Variants in ZWILCH observed in about 807,000 individuals in gnomAD.
ZWILCH encodes zwilch kinetochore protein, also known as protein zwilch homolog.
In ZWILCH, 74 loss-of-function variants were observed where a neutral mutation model predicts 79.9. The observed-to-expected ratio is 0.93, with a 90% CI of 0.77 to 1.12. The LOEUF (loss-of-function observed/expected upper bound fraction) is 1.12, where lower values mean the gene tolerates loss of function less well. Ranked by LOEUF, ZWILCH falls within the 50% of genes most tolerant of loss-of-function variation. ZWILCH has a pLI of 0.00. For missense variants in ZWILCH, 694 were observed against 687.5 expected (o/e 1.01, Z -0.11); for synonymous variants, 241 against 228.2 (o/e 1.06, Z -0.51).
intron 17 of ZWILCH, among the ~76,000 whole-genome samples, chr15:66,544,639 G>A (rs374995751): frequency 1.1e-4 from 17 of 151,616 alleles, no homozygotes; most frequent in South Asian, 6.2e-4. Context: ...TACTGCCCCC[G>A]GCCAAAAGGA....
rs1160489271 is a variant in ZWILCH at position 66,527,844 on chromosome 15, T to A, written c.914-13T>A. On this transcript the variant is annotated splice_polypyrimidine_tract_variant and intron_variant, in intron 9 of 18. Coordinates refer to ENST00000307897, the MANE Select transcript of ZWILCH (RefSeq NM_017975.5). The stretch of plus-strand genomic sequence containing the variant: ...GAAAAATCAAGAGCTAATAAACTTT[T>A]GCCACTTTCTAGACTTAAATAAGCT... 6.3e-7 allele frequency: 1 copy of A among 1,594,718 alleles called. No individual in the cohort carries two copies. Among genetic ancestry groups the A allele is most frequent in the East Asian group, 2.3e-5 (1 of 43,774 alleles).
chr15:66,539,273 T>G (rs563289061), intron 16 of ZWILCH, among the ~76,000 whole-genome samples: 12 of 151,878 alleles, frequency 7.9e-5, no homozygotes, highest in Non-Finnish European at 1.8e-4. Flanking sequence ...CATGGTGGCA[T>G]GCACCTGTAG....
intron 18 of ZWILCH, chr15:66,547,701 G>A (rs576335311): frequency 3.9e-5 from 6 of 152,256 alleles, no homozygotes; most frequent in African/African-American, 9.6e-5. Flanking sequence ...AAGAGTGTAC[G>A]TGCTCATTTA....
rs532230755 is a variant in ZWILCH at position 66,519,774 on chromosome 15, G to A, written c.520+696G>A. ...GCTGGGATTACAGGCATGAGCCACC[G>A]TGCCCAACTTCCACTTTATTTTTTA... On this transcript the variant is annotated intron_variant, in intron 5 of 18. Transcript: ENST00000307897. Among the ~76,000 whole-genome samples, 4 of 152,084 alleles carry A rather than the reference G, an allele frequency of 2.6e-5. No individual in the cohort carries two copies. The East Asian group carries it at 5.8e-4, about 22-fold the overall frequency.
chr15:66,533,561 T>A (rs972061245), intron 14 of ZWILCH, among the ~76,000 whole-genome samples: 12 of 152,206 alleles, frequency 7.9e-5, no homozygotes, highest in African/African-American at 2.9e-4. Flanking sequence ...TGTTTATCAT[T>A]TCTCTCTTAT....
chr15:66,532,506 T>A, intron 13 of ZWILCH, 103 bp downstream of exon 13: 1 of 1,044,532 alleles, frequency 9.6e-7, no homozygotes, highest in Non-Finnish European at 1.3e-6. Flanking sequence ...TCGTCTGTAG[T>A]CCTTCCTGGC....
intron 9 of ZWILCH, 38 bp from the exon 10 acceptor site, chr15:66,527,819 G>C (rs1247130795): frequency 1.3e-6 from 2 of 1,567,340 alleles, no homozygotes; most frequent in South Asian, 2.3e-5. Flanking sequence ...TTGGAAAGCA[G>C]AAAAATCAAG....
chr15:66,521,033 G>A lies in ZWILCH; in HGVS notation c.592-17G>A. 6.2e-7 allele frequency: 1 copy of A among 1,613,442 alleles called. No individual in the cohort carries two copies. Among genetic ancestry groups the A allele is most frequent in the Non-Finnish European group, 8.5e-7 (1 of 1,179,648 alleles). ...TGGAAGCACAGCTAAATGATCTGCT[G>A]GGTACACTCTTTTCAGGTAACATCC... is the stretch of plus-strand genomic sequence containing the variant. On this transcript the variant is annotated splice_polypyrimidine_tract_variant and intron_variant, in intron 6 of 18. Transcript: ENST00000307897.
chr15:66,538,413 G>C (rs1000690004), intron 16 of ZWILCH, among the ~76,000 whole-genome samples: 1 of 149,280 alleles, frequency 6.7e-6, no homozygotes, highest in African/African-American at 2.5e-5. Context: ...ACAGAGTTTC[G>C]CTCTTATTTC....
At chr15:66,519,249 T>G (rs999822035) in intron 5 of ZWILCH, 171 bp downstream of exon 5, 7 of 626,128 alleles carry the variant, frequency 1.1e-5, no homozygotes, top group Non-Finnish European at 1.7e-5. Context: ...TGGGAGGTAT[T>G]CCAGAAACAC....
chr15:66,516,193 A>G (rs929842659), intron 4 of ZWILCH, among the ~76,000 whole-genome samples: 2 of 152,196 alleles, frequency 1.3e-5, no homozygotes, highest in African/African-American at 4.8e-5. Context: ...ACATCCTGCA[A>G]TGCATGGGAC....
chr15:66,540,234 C>A (rs747437221), intron 17 of ZWILCH, 24 bp downstream of exon 17: 1 of 1,544,222 alleles, frequency 6.5e-7, no homozygotes, highest in Non-Finnish European at 8.9e-7. Context: ...ATAATCTGTT[C>A]AGATAAATAA....
chr15:66,533,922 C>T (rs915963434), intron 14 of ZWILCH, among the ~76,000 whole-genome samples: 5 of 152,210 alleles, frequency 3.3e-5, no homozygotes, highest in African/African-American at 1.2e-4. Context: ...GCCTGGGCAA[C>T]ATAGGGAGAC....
intron 4 of ZWILCH, among the ~76,000 whole-genome samples, chr15:66,516,909 T>C (rs1355305470): frequency 6.6e-6 from 1 of 152,208 alleles, no homozygotes; most frequent in African/African-American, 2.4e-5. Flanking sequence ...ATATTTGTAT[T>C]ATTTTCTCCA....
intron 15 of ZWILCH, 65 bp downstream of exon 15, chr15:66,536,134 A>T (rs995657623): frequency 7.1e-6 from 10 of 1,399,220 alleles, no homozygotes; most frequent in Non-Finnish European, 3.9e-6. Context: ...TACAGCCTAA[A>T]TATGTACAGT....
At position 66,520,769 on chromosome 15, in the gene ZWILCH, GTATGAAAATGTT is replaced by G. The variant is rs1278035553; in HGVS notation, c.591+114_591+125del. ...TAAGATGACTAGATATTTTTCTGTA[GTATGAAAATGTT>G]TATGTTTATTTTCATATCAGCTAAT... On this transcript the variant is annotated intron_variant, in intron 6 of 18. Coordinates refer to ENST00000307897, the MANE Select transcript of ZWILCH (RefSeq NM_017975.5). 3.9e-6 allele frequency: 3 copies of G among 760,794 alleles called. No individual in the cohort carries two copies. The African/African-American group carries it at 5.4e-5, about 14-fold the overall frequency. 47.1% of individuals were successfully genotyped at this position (760,794 alleles called of 1,614,324 possible). A position where few individuals can be genotyped will look rare whatever the true frequency, so the allele number is the denominator to read the frequency against.
chr15:66,541,325 A>G (rs1331648388), intron 17 of ZWILCH, among the ~76,000 whole-genome samples: 1 of 151,952 alleles, frequency 6.6e-6, no homozygotes, highest in Non-Finnish European at 1.5e-5. Context: ...CACACACAAA[A>G]CTATCATTAT....
intron 2 of ZWILCH, among the ~76,000 whole-genome samples, chr15:66,510,583 A>AT (rs1894021880): frequency 6.6e-6 from 1 of 152,106 alleles, no homozygotes. Flanking sequence ...TTGCTGCTTG[A>AT]TATCTGTATT....
chr15:66,545,561 C>T (rs1595925855), intron 17 of ZWILCH, among the ~76,000 whole-genome samples: 1 of 152,086 alleles, frequency 6.6e-6, no homozygotes, highest in African/African-American at 2.4e-5. Flanking sequence ...GTGCATTGGT[C>T]CAGTGACTCC....
Sources: gnomAD v4.1 joint callset for allele counts (sites outside exome capture counted in the v4.1 genomes callset) on GRCh38, gnomAD v4.1.1 for gene constraint, MANE v1.5 for transcripts, NCBI Gene and HGNC (gene_info 2026-07-23, HGNC 2026-07-21) for gene names.